The following HK1 variants were observed in gnomAD, a reference collection of about 807,000 sequenced individuals.
The protein encoded by HK1 is hexokinase 1, also known as hexokinase-1.
A neutral mutation model predicts 91.6 loss-of-function variants in HK1; 28 were observed. The observed-to-expected ratio is 0.31, with a 90% CI of 0.23 to 0.42. HK1 has a LOEUF of 0.42. HK1 is among the 10% of genes least tolerant of loss of function. The pLI is 1.00. For synonymous variants in HK1, 430 were observed against 468.1 expected, an observed-to-expected ratio of 0.92 and a Z score of 1.05; for missense variants, 770 against 1,219.8, an observed-to-expected ratio of 0.63 and a Z score of 5.49.
chr10:69,385,197 T>G (rs1451369427), intron 12 of HK1, among the ~76,000 whole-genome samples: 1 of 152,242 alleles, frequency 6.6e-6, no homozygotes, highest in Non-Finnish European at 1.5e-5. Flanking sequence ...ATTTGATTGT[T>G]GCCTTGCTTA....
At chr10:69,393,674 TA>T (rs1369614812) in intron 15 of HK1, among the ~76,000 whole-genome samples, 1 of 152,168 alleles carries the variant, frequency 6.6e-6, no homozygotes, top group Non-Finnish European at 1.5e-5. Flanking sequence ...AGATGGTAAC[TA>T]AAAAATGAGT....
At chr10:69,306,581 C>T (rs1458454990) in intron 5 of HK1, among the ~76,000 whole-genome samples, 2 of 152,128 alleles carry the variant, frequency 1.3e-5, no homozygotes, top group African/African-American at 4.8e-5. Context: ...TGCATTCATA[C>T]TCAGTGAATG....
chr10:69,339,948 T>C lies in HK1; in HGVS notation c.64-3879T>C, dbSNP rs146978581. Among the ~76,000 whole-genome samples the C allele has an allele frequency of 1.7e-4, 26 of 152,324 alleles. 1 individual carries two copies. The highest frequency in any genetic ancestry group is 6.3e-4 in the African/African-American group (26 of 41,558). ...CTGTAAAATGGGGATTAAGAACATCTCCCAGACAGTTTTGAAGGTTAAATG... is the reference window on the plus strand; with the variant it reads ...CTGTAAAATGGGGATTAAGAACATCCCCCAGACAGTTTTGAAGGTTAAATG... On this transcript the variant is annotated intron_variant, in intron 1 of 17. Transcript: ENST00000359426.
chr10:69,364,707 A>G (rs1298928021), intron 3 of HK1, 76 bp from the exon 4 acceptor site: 2 of 1,543,932 alleles, frequency 1.3e-6, no homozygotes, highest in African/African-American at 2.7e-5. Context: ...TGTGTGTGGG[A>G]GGGAATGGTT....
upstream of HK1, among the ~76,000 whole-genome samples, chr10:69,310,877 T>C (rs1490480753): frequency 6.6e-6 from 1 of 152,052 alleles, no homozygotes; most frequent in East Asian, 1.9e-4. Context: ...GCCAAAATGG[T>C]GAAACCCTGT....
rs977849562 is a variant in HK1 at position 69,350,446 on chromosome 10, A to G, written c.226+6457A>G. Reference sequence around the variant, plus strand: ...GGGAGGCCGAGGTGGGCGGATCACAAGGTCAAGAGATCGAGACCATCCTGG... The same window carrying G: ...GGGAGGCCGAGGTGGGCGGATCACAGGGTCAAGAGATCGAGACCATCCTGG... On this transcript the variant is annotated intron_variant, in intron 2 of 17. Coordinates refer to ENST00000359426, the MANE Select transcript of HK1 (RefSeq NM_000188.3). Among the ~76,000 whole-genome samples, 3 of 152,226 alleles carry G rather than the reference A, an allele frequency of 2.0e-5. 1 individual carries two copies. Among genetic ancestry groups the G allele is most frequent in the Non-Finnish European group, 1.5e-5 (1 of 68,010 alleles).
intron 3 of HK1, among the ~76,000 whole-genome samples, chr10:69,361,218 G>C (rs567890279): frequency 3.9e-5 from 6 of 152,320 alleles, no homozygotes; most frequent in Admixed American, 2.6e-4. Flanking sequence ...CACTAGAGCA[G>C]GTGAGCCACT....
At chr10:69,292,300 T>C (rs1469310199) in intron 3 of HK1, 1 of 430,794 alleles carries the variant, frequency 2.3e-6, no homozygotes, top group Non-Finnish European at 4.6e-6. Context: ...CTTAAATCCC[T>C]GGCGTCAAGT....
chr10:69,318,833 C>G (rs1054456117), upstream of HK1: 1 of 1,456,752 alleles, frequency 6.9e-7, no homozygotes, highest in Non-Finnish European at 9.0e-7. Context: ...GGGGAGGAGC[C>G]GGGGGAGGAG....
At position 69,392,724 on chromosome 10, in the gene HK1, A is replaced by T. The variant is rs184884442; in HGVS notation, c.2219+416A>T. On this transcript the variant is annotated intron_variant, in intron 15 of 17. Coordinates refer to ENST00000359426, the MANE Select transcript of HK1 (RefSeq NM_000188.3). The stretch of plus-strand genomic sequence containing the variant: ...CCTGCACCACCTAGTGGCCTTGTGG[A>T]GCTTTGCAGCTCAGGTCTCAGGTAC... Among the ~76,000 whole-genome samples the T allele has an allele frequency of 2.4e-3, 365 of 152,178 alleles. 5 individuals are homozygous for T. The highest frequency in any genetic ancestry group is 8.1e-3 in the African/African-American group (335 of 41,504).
At chr10:69,332,486 C>T (rs1847788314) in intron 1 of HK1, among the ~76,000 whole-genome samples, 1 of 152,000 alleles carries the variant, frequency 6.6e-6, no homozygotes. Flanking sequence ...TCAAGCGGTT[C>T]TCATGCCTCA....
intron 1 of HK1, among the ~76,000 whole-genome samples, chr10:69,337,102 C>T (rs1016061829): frequency 6.6e-6 from 1 of 152,178 alleles, no homozygotes; most frequent in African/African-American, 2.4e-5. Flanking sequence ...TTTATTATCT[C>T]CATCTTAAAA....
At chr10:69,287,860 T>G (rs1407654715) in intron 2 of HK1, among the ~76,000 whole-genome samples, 1 of 151,994 alleles carries the variant, frequency 6.6e-6, no homozygotes, top group African/African-American at 2.4e-5. Flanking sequence ...GTAAGTAGAC[T>G]GAATGCAGTG....
chr10:69,389,356 G>A (rs1839790658), intron 14 of HK1, 60 bp downstream of exon 14: 4 of 1,286,898 alleles, frequency 3.1e-6, no homozygotes, highest in Non-Finnish European at 4.4e-6. Flanking sequence ...TCCCCGTTTT[G>A]TGGGGCCTTG....
chr10:69,327,878 C>T (rs1359897932), intron 1 of HK1, among the ~76,000 whole-genome samples: 1 of 152,212 alleles, frequency 6.6e-6, no homozygotes, highest in Non-Finnish European at 1.5e-5. Flanking sequence ...CAGAGTCCCA[C>T]GGACTGAAGT....
At chr10:69,278,969 C>A (rs1844602799) in intron 1 of HK1, among the ~76,000 whole-genome samples, 1 of 152,162 alleles carries the variant, frequency 6.6e-6, no homozygotes, top group Non-Finnish European at 1.5e-5. Context: ...GTGATTCTAG[C>A]CTCAGAGGAG....
At chr10:69,315,679 C>T (rs1846601349), upstream of HK1, 1 of 520,092 alleles carries the variant, frequency 1.9e-6, no homozygotes, top group African/African-American at 1.9e-5. Flanking sequence ...CAGCATGGGC[C>T]CTGGCCTCAG....
intron 5 of HK1, among the ~76,000 whole-genome samples, chr10:69,302,712 A>C (rs1845935476): frequency 6.8e-6 from 1 of 146,850 alleles, no homozygotes; most frequent in African/African-American, 2.5e-5. Context: ...GCTGTGATTG[A>C]TCCACTGCAC....
At chr10:69,338,788 T>A in intron 1 of HK1, 2 of 936,752 alleles carry the variant, frequency 2.1e-6, no homozygotes, top group South Asian at 1.7e-5. Context: ...TGTGTGTGTG[T>A]AGAGAGAGAG....
Sources: gnomAD v4.1 joint callset for allele counts (sites outside exome capture counted in the v4.1 genomes callset) on GRCh38, gnomAD v4.1.1 for gene constraint, MANE v1.5 for transcripts, NCBI Gene and HGNC (gene_info 2026-07-23, HGNC 2026-07-21) for gene names.